Variants in MIA2 observed in about 807,000 individuals in gnomAD.
MIA2 encodes the protein MIA SH3 domain ER export factor 2, also known as melanoma inhibitory activity protein 2.
Under a neutral mutation model 167.8 loss-of-function variants are expected in MIA2, and 127 were observed. That is an observed-to-expected ratio of 0.76 (90% CI 0.66 to 0.88). The LOEUF is 0.88. MIA2 is among the 40% of genes least tolerant of loss of function. The pLI, the probability that MIA2 is intolerant of heterozygous loss-of-function variation, is 0.00. For synonymous variants in MIA2, 552 were observed against 541.9 expected, an observed-to-expected ratio of 1.02 and a Z score of -0.26; for missense variants, 1,690 against 1,624.7, an observed-to-expected ratio of 1.04 and a Z score of -0.69.
chr14:39,386,774 CT>C, intron 23 of MIA2: 1 of 1,288,704 alleles, frequency 7.8e-7, no homozygotes, highest in Non-Finnish European at 1.1e-6. Context: ...ATGCCCGCTT[CT>C]TTGCTTTTCT....
chr14:39,257,222 G>A (rs529036593), intron 6 of MIA2, among the ~76,000 whole-genome samples: 5 of 152,308 alleles, frequency 3.3e-5, no homozygotes, highest in African/African-American at 1.2e-4. Flanking sequence ...GGGAGTCTAA[G>A]TCTCGTTGTA....
intron 24 of MIA2, among the ~76,000 whole-genome samples, chr14:39,324,887 A>G (rs1035484697): frequency 6.6e-6 from 1 of 152,142 alleles, no homozygotes; most frequent in Non-Finnish European, 1.5e-5. Flanking sequence ...GATTACAGGC[A>G]TGAGCCATCA....
At position 39,308,565 on chromosome 14, in the gene MIA2, G is replaced by T. The variant is rs1349114354; in HGVS notation, c.2995G>T (p.Glu999Ter). The change falls in exon 18 of 29, where the codon GAA becomes TAA. Residue 999 changes from glutamate to a stop codon, truncating the protein, a stop_gained. Transcript: ENST00000640607. LOFTEE classifies it high-confidence loss of function. ...KLKVMTELYQ[E>*]NEMKLHRKLT... ...TAAAGTAATGACTGAATTATATCAAGAAAATGAAATGAAACTCCACAGGTA... is the reference window on the plus strand; with the variant it reads ...TAAAGTAATGACTGAATTATATCAATAAAATGAAATGAAACTCCACAGGTA... The T allele has an allele frequency of 6.4e-7, 1 of 1,560,552 alleles. No homozygotes were observed. The highest frequency in any genetic ancestry group is 8.7e-7 in the Non-Finnish European group (1 of 1,153,322).
intron 25 of MIA2, among the ~76,000 whole-genome samples, chr14:39,343,181 G>T (rs1260900701): frequency 6.6e-6 from 1 of 152,118 alleles, no homozygotes; most frequent in East Asian, 1.9e-4. Context: ...ATCTTGCTTT[G>T]TCGCTCAGGC....
intron 24 of MIA2, among the ~76,000 whole-genome samples, chr14:39,325,642 C>G (rs748482212): frequency 4.0e-5 from 6 of 151,816 alleles, no homozygotes; most frequent in Non-Finnish European, 8.8e-5. Context: ...GCTGGGATTA[C>G]AGGTGTGAGC....
chr14:39,272,392 T>C (rs1266488177), intron 6 of MIA2, among the ~76,000 whole-genome samples: 2 of 152,002 alleles, frequency 1.3e-5, no homozygotes, highest in African/African-American at 4.8e-5. Context: ...AGGGTAGGTA[T>C]ATGTAAAATA....
chr14:39,257,684 G>C (rs2054884198), intron 6 of MIA2, among the ~76,000 whole-genome samples: 1 of 152,156 alleles, frequency 6.6e-6, no homozygotes. Context: ...AGTGTCATTA[G>C]TCTTTATATT....
chr14:39,366,716 G>GTAA (rs1484953848), intron 23 of MIA2, among the ~76,000 whole-genome samples: 2 of 152,192 alleles, frequency 1.3e-5, no homozygotes, highest in Non-Finnish European at 2.9e-5. Flanking sequence ...GTGACCCTTA[G>GTAA]GTTTCCTGGC....
At chr14:39,356,918 A>G (rs989309136) in intron 23 of MIA2, among the ~76,000 whole-genome samples, 6 of 152,124 alleles carry the variant, frequency 3.9e-5, no homozygotes, top group African/African-American at 1.4e-4. Flanking sequence ...TCTGAGAGAA[A>G]GTTTGTTATA....
chr14:39,386,974 G>T, exon 24 of MIA2: 1 of 774,816 alleles, frequency 1.3e-6, no homozygotes. Context: ...TGGCGGATGA[G>T]ACTAACGAGA....
intron 23 of MIA2, among the ~76,000 whole-genome samples, chr14:39,373,123 C>T (rs529033829): frequency 9.2e-5 from 14 of 152,054 alleles, no homozygotes; most frequent in African/African-American, 2.7e-4. Flanking sequence ...AGCACATGTA[C>T]CCTAAATACG....
intron 10 of MIA2, 61 bp downstream of exon 10, chr14:39,291,157 T>G (rs2060686949): frequency 7.1e-7 from 1 of 1,403,446 alleles, no homozygotes; most frequent in Non-Finnish European, 9.8e-7. Context: ...TAACAAAAAC[T>G]TTAAAAATGT....
At chr14:39,277,208 T>G (rs2058127343) in intron 7 of MIA2, 143 bp downstream of exon 7, 1 of 1,148,220 alleles carries the variant, frequency 8.7e-7, no homozygotes, top group East Asian at 2.7e-5. Context: ...GTTTTTTGTT[T>G]TTTTTAAAAG....
At chr14:39,357,642 T>G (rs2074563741) in intron 23 of MIA2, among the ~76,000 whole-genome samples, 2 of 152,236 alleles carry the variant, frequency 1.3e-5, no homozygotes, top group Non-Finnish European at 2.9e-5. Context: ...ACTTTCTTCC[T>G]AGCCTCGATG....
At chr14:39,302,726 T>A (rs1010973824) in intron 15 of MIA2, among the ~76,000 whole-genome samples, 1 of 152,182 alleles carries the variant, frequency 6.6e-6, no homozygotes, top group African/African-American at 2.4e-5. Flanking sequence ...GCTCTGAAGT[T>A]GGCAAAAGTG....
At position 39,320,944 on chromosome 14, in the gene MIA2, T is replaced by C. The variant is rs1353978053; in HGVS notation, c.3384T>C (p.Gly1128=). ...TTATTCCAGAGCATTCCCCATATGG[T>C]CCCTCACCATTGGGTTGGCCTTCAT... ...TAFGREHSPY[G]PSPLGWPSSE... Residue 1128 remains glycine (G), a synonymous_variant, in exon 24 of 29, where the codon GGT becomes GGC. Coordinates refer to ENST00000640607, the MANE Select transcript of MIA2 (RefSeq NM_001329214.4). 13 of 1,613,386 alleles carry C rather than the reference T, an allele frequency of 8.1e-6. No homozygotes were observed. The highest frequency in any genetic ancestry group is 1.0e-5 in the Non-Finnish European group (12 of 1,179,640).
intron 9 of MIA2, among the ~76,000 whole-genome samples, chr14:39,280,529 G>A (rs148704091): frequency 0.013 from 2,038 of 152,094 alleles, 45 homozygotes; most frequent in Non-Finnish European, 0.015. Context: ...TCAGGAGATC[G>A]AGACTATCCT....
intron 2 of MIA2, among the ~76,000 whole-genome samples, chr14:39,237,742 G>T (rs866181734): frequency 6.6e-6 from 1 of 152,058 alleles, no homozygotes; most frequent in Admixed American, 6.6e-5. Flanking sequence ...CAAGGTTTTT[G>T]TTTGTTTGTT....
At chr14:39,267,591 A>G in intron 6 of MIA2, 2 of 1,581,464 alleles carry the variant, frequency 1.3e-6, no homozygotes, top group East Asian at 2.3e-5. Flanking sequence ...AGGAAGCAGT[A>G]GACCGGCTTT....
Sources: allele counts gnomAD v4.1 joint callset (sites outside exome capture counted in the v4.1 genomes callset), GRCh38; gene constraint gnomAD v4.1.1; transcripts MANE v1.5; gene names NCBI Gene and HGNC (gene_info 2026-07-23, HGNC 2026-07-21).